GPR63: variants seen among roughly 807,000 people sequenced by gnomAD.
The protein encoded by GPR63 is G protein-coupled receptor 63.
GPR63 carries 12 observed loss-of-function variants against 23.1 expected under a neutral mutation model. The ratio of observed to expected loss-of-function variants is 0.52; its 90% CI spans 0.33 to 0.84. The LOEUF (loss-of-function observed/expected upper bound fraction) is 0.84, where lower values mean the gene tolerates loss of function less well. Among genes scored for constraint, GPR63 ranks in the 40% least tolerant of loss-of-function variants. GPR63 has a pLI of 0.02. For synonymous variants in GPR63, 172 were observed against 191.1 expected (o/e 0.90, Z 0.82); for missense variants, 472 against 515.6 (o/e 0.92, Z 0.82).
chr6:96,837,066 A>C (rs1774750262), intron 1 of GPR63, among the ~76,000 whole-genome samples: 1 of 152,068 alleles, frequency 6.6e-6, no homozygotes, highest in Admixed American at 6.5e-5. Flanking sequence ...CGACCGAAAT[A>C]ACTCCAGTCC....
At chr6:96,834,620 C>A (rs949482833) in intron 1 of GPR63, among the ~76,000 whole-genome samples, 1 of 149,858 alleles carries the variant, frequency 6.7e-6, no homozygotes, top group African/African-American at 2.5e-5. Context: ...TGATTTGCAG[C>A]AAATATAAAC....
At chr6:96,811,282 A>G (rs564199113) in intron 1 of GPR63, among the ~76,000 whole-genome samples, 1 of 152,362 alleles carries the variant, frequency 6.6e-6, no homozygotes, top group African/African-American at 2.4e-5. Context: ...GGATAAACAG[A>G]AACTGGCTGC....
intron 1 of GPR63, among the ~76,000 whole-genome samples, chr6:96,821,881 T>C (rs1321606672): frequency 6.6e-6 from 1 of 151,984 alleles, no homozygotes; most frequent in East Asian, 1.9e-4. Flanking sequence ...ACACATCTGT[T>C]AGACTCCCTA....
At chr6:96,825,344 G>A (rs1774414018) in intron 1 of GPR63, among the ~76,000 whole-genome samples, 1 of 151,914 alleles carries the variant, frequency 6.6e-6, no homozygotes. Flanking sequence ...TTGAACATAG[G>A]GTCTGGGAGA....
intron 1 of GPR63, among the ~76,000 whole-genome samples, chr6:96,803,323 T>C (rs1223151784): frequency 2.0e-5 from 3 of 152,342 alleles, no homozygotes; most frequent in South Asian, 4.1e-4. Context: ...CACCTGTATA[T>C]GGAAGCCTAC....
At chr6:96,834,260 C>G (rs1258759490) in intron 1 of GPR63, among the ~76,000 whole-genome samples, 1 of 152,148 alleles carries the variant, frequency 6.6e-6, no homozygotes, top group African/African-American at 2.4e-5. Context: ...GCATGTTGGG[C>G]TGCCCACACT....
At chr6:96,818,324 G>T (rs777669838) in intron 1 of GPR63, among the ~76,000 whole-genome samples, 8 of 152,088 alleles carry the variant, frequency 5.3e-5, no homozygotes, top group Admixed American at 1.3e-4. Flanking sequence ...TTAGCCAAGT[G>T]TGGTAGTTCG....
intron 1 of GPR63, among the ~76,000 whole-genome samples, chr6:96,819,808 T>C (rs1774259244): frequency 6.6e-6 from 1 of 150,680 alleles, no homozygotes; most frequent in African/African-American, 2.4e-5. Context: ...CCTTCTCTAC[T>C]AAAAATACAA....
chr6:96,803,184 T>C (rs1198037072), intron 1 of GPR63, among the ~76,000 whole-genome samples: 1 of 152,172 alleles, frequency 6.6e-6, no homozygotes, highest in Non-Finnish European at 1.5e-5. Context: ...GCTCTCAGAC[T>C]GCCAGAAGCC....
intron 1 of GPR63, among the ~76,000 whole-genome samples, chr6:96,833,738 T>G (rs1249691869): frequency 6.6e-6 from 1 of 152,160 alleles, no homozygotes; most frequent in East Asian, 1.9e-4. Context: ...AGGTTTAAAT[T>G]GAAAATGATG....
At position 96,798,777 on chromosome 6, in the gene GPR63, G is replaced by A. The variant is rs1227241089; in HGVS notation, c.955C>T (p.Leu319Phe). ...KTRAFTTILI[L>F]FAVFIVCWAP... ...CAGCAGACAATGAAGACAGCAAAGA[G>A]AATCAAAATAGTGGTGAAGGCACGT... The change falls in exon 2 of 2, where the codon CTC (leucine) becomes TTC (phenylalanine). Residue 319 changes from leucine (L) to phenylalanine (F), a missense_variant. Leu to Phe is a conservative substitution (Grantham distance 22). Transcript: ENST00000229955. 5 of 1,614,150 alleles carry A rather than the reference G, an allele frequency of 3.1e-6. No homozygotes were observed. The highest frequency in any genetic ancestry group is 4.2e-6 in the Non-Finnish European group (5 of 1,180,030).
intron 1 of GPR63, among the ~76,000 whole-genome samples, chr6:96,835,529 T>C (rs1267097491): frequency 6.6e-6 from 1 of 152,144 alleles, no homozygotes; most frequent in Non-Finnish European, 1.5e-5. Context: ...AGGAACTAAG[T>C]CACATCCACT....
rs1774766266 is a variant in GPR63, at chr6:96,837,434, C to A, written c.-317G>T. Reference sequence around the variant, plus strand: ...GACAACGAAGAGGAGGTGGTGGCGGCGGCGGCGATACAGGCGGCGGTGGCG... The same window carrying A: ...GACAACGAAGAGGAGGTGGTGGCGGAGGCGGCGATACAGGCGGCGGTGGCG... On this transcript the variant is annotated 5_prime_UTR_variant, in exon 1 of 2. Transcript: ENST00000229955. The A allele has an allele frequency of 6.5e-6, 1 of 154,176 alleles. No individual in the cohort carries two copies. Among genetic ancestry groups the A allele is most frequent in the South Asian group, 1.8e-4 (1 of 5,466 alleles). The allele number at this position is 154,176 out of a possible 1,614,324, so 9.6% of individuals were successfully genotyped here.
intron 1 of GPR63, among the ~76,000 whole-genome samples, chr6:96,818,666 C>A (rs1041784645): frequency 4.6e-5 from 7 of 152,086 alleles, no homozygotes; most frequent in African/African-American, 1.4e-4. Context: ...TATGTTCCCA[C>A]TATGTTTTGA....
intron 1 of GPR63, among the ~76,000 whole-genome samples, chr6:96,836,996 G>A (rs1774747769): frequency 6.6e-6 from 1 of 152,030 alleles, no homozygotes; most frequent in South Asian, 2.1e-4. Flanking sequence ...GACGGGCAGG[G>A]GAGGGGGGCG....
chr6:96,812,702 A>AT (rs1562119277), intron 1 of GPR63, among the ~76,000 whole-genome samples: 1 of 151,998 alleles, frequency 6.6e-6, no homozygotes, highest in East Asian at 1.9e-4. Context: ...ATTTCTTTTT[A>AT]TTTTTTTATT....
intron 1 of GPR63, 53 bp downstream of exon 1, chr6:96,837,215 A>G (rs1774755447): frequency 6.6e-6 from 1 of 152,122 alleles, no homozygotes; most frequent in South Asian, 2.1e-4. Flanking sequence ...CCGAGCGGCT[A>G]CCTGTCCCGC....
chr6:96,803,661 G>C (rs1773826911), intron 1 of GPR63, among the ~76,000 whole-genome samples: 1 of 152,104 alleles, frequency 6.6e-6, no homozygotes, highest in Non-Finnish European at 1.5e-5. Context: ...AATGCTCACA[G>C]TAACTACATT....
chr6:96,834,686 CTTCAT>C (rs772865829), intron 1 of GPR63, among the ~76,000 whole-genome samples: 2 of 152,130 alleles, frequency 1.3e-5, no homozygotes, highest in African/African-American at 2.4e-5. Context: ...TAACAGATTA[CTTCAT>C]TTCATTTCTA....
Sources: gnomAD v4.1 joint callset for allele counts (sites outside exome capture counted in the v4.1 genomes callset) on GRCh38, gnomAD v4.1.1 for gene constraint, MANE v1.5 for transcripts, NCBI Gene and HGNC (gene_info 2026-07-23, HGNC 2026-07-21) for gene names.